Variants in FAM131C observed in about 807,000 individuals in gnomAD.
FAM131C encodes the protein family with sequence similarity 131 member C.
A neutral mutation model predicts 29.8 loss-of-function variants in FAM131C; 14 were observed. That is an observed-to-expected ratio of 0.47 (90% CI 0.31 to 0.73). The LOEUF (loss-of-function observed/expected upper bound fraction) is 0.73, where lower values mean the gene tolerates loss of function less well. Ranked by LOEUF, FAM131C falls within the 30% of genes least tolerant of loss-of-function variation. FAM131C has a pLI of 0.05. For synonymous variants in FAM131C, 86 were observed against 157.8 expected, an observed-to-expected ratio of 0.54 and a Z score of 3.41; for missense variants, 252 against 383.8, an observed-to-expected ratio of 0.66 and a Z score of 2.87.
chr1:16,059,899 C>A lies in FAM131C; in HGVS notation c.421G>T (p.Asp141Tyr). 4 of 1,611,852 alleles carry A rather than the reference C, an allele frequency of 2.5e-6. No individual in the cohort carries two copies. Among genetic ancestry groups the A allele is most frequent in the Non-Finnish European group, 3.4e-6 (4 of 1,179,926 alleles). Residue 141 changes from aspartate (D) to tyrosine (Y), a missense_variant, in exon 5 of 7, where the codon GAT becomes TAT. Around this residue, in one of 6 missense-constraint regions of FAM131C, gnomAD observed 38 missense variants for 32.7 expected, o/e 1.16. Coordinates refer to ENST00000375662, the MANE Select transcript of FAM131C (RefSeq NM_182623.3). The stretch of plus-strand genomic sequence containing the variant: ...GCAAAGCGGGCCTCACGCAGCTCAT[C>A]CGGGAGGCAGCAGTAATGCTCGTCC... ...AEDEHYCCLP[D>Y]ELREARFAAG...
chr1:16,069,371 T>C (rs2023723208), intron 1 of FAM131C, among the ~76,000 whole-genome samples: 1 of 152,196 alleles, frequency 6.6e-6, no homozygotes, highest in Non-Finnish European at 1.5e-5. Flanking sequence ...TGCTCAGGAC[T>C]TGGAAACTAT....
At chr1:16,063,302 TG>T (rs1278767833) in intron 2 of FAM131C, among the ~76,000 whole-genome samples, 1 of 151,884 alleles carries the variant, frequency 6.6e-6, no homozygotes, top group Non-Finnish European at 1.5e-5. Context: ...ACCTTCAGGG[TG>T]GTTGGTCTTC....
chr1:16,059,934 G>A lies in FAM131C; in HGVS notation c.386C>T (p.Ser129Phe). The A allele has an allele frequency of 6.4e-7, 1 of 1,552,208 alleles. No homozygotes were observed. Among genetic ancestry groups the A allele is most frequent in the Non-Finnish European group, 8.7e-7 (1 of 1,149,872 alleles). Residue 129 changes from serine (S) to phenylalanine (F), a missense_variant, in exon 5 of 7, where the codon TCC becomes TTC. Physicochemically the swap from Ser to Phe is radical, Grantham distance 155 (BLOSUM62 -2). Transcript: ENST00000375662. ...GCAGTAATGCTCGTCCTCAGCTGGG[G>A]ACAGCTCCCAGCCTGCCGGCTGGGC... ...WSAQPAGWEL[S>F]PAEDEHYCCL...
Position 16,062,549 on chromosome 1 carries a change from G to T in FAM131C, c.139-15C>A, listed in dbSNP as rs777825579. The T allele has an allele frequency of 2.5e-6, 4 of 1,571,432 alleles. No homozygotes were observed. The highest frequency in any genetic ancestry group is 3.5e-6 in the Non-Finnish European group (4 of 1,158,382). On this transcript the variant is annotated splice_polypyrimidine_tract_variant and intron_variant, in intron 2 of 6. Transcript: ENST00000375662. ...ATCTGTTTGTCCTAAAACAAGAGGA[G>T]AGAGAGGATCAGGCAGGGCCTGGCA... is the stretch of plus-strand genomic sequence containing the variant.
Position 16,073,403 on chromosome 1 carries a change from C to T in FAM131C, c.22+18G>A. 1 of 1,207,490 alleles carries T rather than the reference C, an allele frequency of 8.3e-7. No homozygotes were observed. Among genetic ancestry groups the T allele is most frequent in the Non-Finnish European group, 1.0e-6 (1 of 970,324 alleles). The allele number at this position is 1,207,490 out of a possible 1,614,324, so 74.8% of individuals were successfully genotyped here. On this transcript the variant is annotated intron_variant, in intron 1 of 6. Transcript: ENST00000375662. ...TCCCCGGCACCCGATCCCCCCGCCCCCGGCCGGGCCCCCTCACCTCGCGAC... is the reference window on the plus strand; with the variant it reads ...TCCCCGGCACCCGATCCCCCCGCCCTCGGCCGGGCCCCCTCACCTCGCGAC...
In FAM131C at chr1:16,063,654, A is replaced by G. The variant is rs1299402362; in HGVS notation, c.23-18T>C. The G allele has an allele frequency of 3.2e-6, 5 of 1,555,308 alleles. No individual in the cohort carries two copies. Among genetic ancestry groups the G allele is most frequent in the Non-Finnish European group, 4.4e-6 (5 of 1,135,576 alleles). On this transcript the variant is annotated intron_variant, in intron 1 of 6. Transcript: ENST00000375662. ...GAACAGGTCTGGAAATAAGAGCAAG[A>G]GGAGGAACTCAGCAAAGCCCAGCCC... is the stretch of plus-strand genomic sequence containing the variant.
intron 1 of FAM131C, among the ~76,000 whole-genome samples, chr1:16,065,663 T>C (rs546331005): frequency 4.8e-4 from 73 of 152,308 alleles, no homozygotes; most frequent in African/African-American, 1.7e-3. Flanking sequence ...CCAGCTCTTT[T>C]GTCTGGGATC....
intron 1 of FAM131C, among the ~76,000 whole-genome samples, chr1:16,064,729 C>T (rs747570175): frequency 5.3e-5 from 8 of 152,214 alleles, no homozygotes; most frequent in Non-Finnish European, 8.8e-5. Context: ...TCTCGCTGGA[C>T]GTGCAGAGAG....
chr1:16,070,794 G>A (rs1041689069), intron 1 of FAM131C, among the ~76,000 whole-genome samples: 4 of 152,188 alleles, frequency 2.6e-5, no homozygotes, highest in South Asian at 2.1e-4. Flanking sequence ...TCCCATTTTA[G>A]AGATGGGAAC....
Position 16,062,521 on chromosome 1 carries a change from T to A in FAM131C, c.152A>T (p.Asp51Val). Residue 51 changes from aspartate (D) to valine (V), a missense_variant, in exon 3 of 7, where the codon GAT (aspartate) becomes GTT (valine). Asp to Val is a radical substitution (Grantham distance 152, BLOSUM62 -3). Coordinates refer to ENST00000375662, the MANE Select transcript of FAM131C (RefSeq NM_182623.3). ...DCVIGKDKQM[D>V]FCWDPWQRCF... Reference sequence around the variant, plus strand: ...GACCTGCCAAGGATCCCAACAGAAATCCATCTGTTTGTCCTAAAACAAGAG... The same window carrying A: ...GACCTGCCAAGGATCCCAACAGAAAACCATCTGTTTGTCCTAAAACAAGAG... 1.9e-6 allele frequency: 3 copies of A among 1,580,346 alleles called. No individual in the cohort carries two copies. Among genetic ancestry groups the A allele is most frequent in the Non-Finnish European group, 2.6e-6 (3 of 1,163,434 alleles).
intron 3 of FAM131C, 150 bp from the exon 4 acceptor site, chr1:16,062,342 A>G (rs1389005324): frequency 1.3e-5 from 18 of 1,425,562 alleles, no homozygotes; most frequent in Non-Finnish European, 1.7e-5. Context: ...AGATCCTACT[A>G]ACTCCCACGG....
At chr1:16,068,958 C>G (rs745503696) in intron 1 of FAM131C, among the ~76,000 whole-genome samples, 1 of 152,220 alleles carries the variant, frequency 6.6e-6, no homozygotes, top group Non-Finnish European at 1.5e-5. Flanking sequence ...GTTTACTGAG[C>G]AGGTGTGACA....
intron 1 of FAM131C, among the ~76,000 whole-genome samples, chr1:16,067,634 T>G (rs2023697760): frequency 6.6e-6 from 1 of 152,174 alleles, no homozygotes. Context: ...CAACCAGAGC[T>G]TCTCCTCTGC....
At chr1:16,064,371 C>T (rs143320509) in intron 1 of FAM131C, among the ~76,000 whole-genome samples, 120 of 152,280 alleles carry the variant, frequency 7.9e-4, no homozygotes, top group Middle Eastern at 3.4e-3. Flanking sequence ...CCCACATCAT[C>T]GCCTTTCCCT....
At chr1:16,064,737 G>A (rs1011972796) in intron 1 of FAM131C, among the ~76,000 whole-genome samples, 6 of 152,180 alleles carry the variant, frequency 3.9e-5, no homozygotes, top group African/African-American at 1.2e-4. Flanking sequence ...GACGTGCAGA[G>A]AGCTGTGTCC....
intron 2 of FAM131C, 81 bp downstream of exon 2, chr1:16,063,440 A>T: frequency 9.1e-7 from 1 of 1,102,892 alleles, no homozygotes; most frequent in Non-Finnish European, 1.4e-6. Flanking sequence ...AGGAGACTGG[A>T]ATGGATTCTG....
chr1:16,065,235 C>A (rs570081941), intron 1 of FAM131C, among the ~76,000 whole-genome samples: 35 of 152,270 alleles, frequency 2.3e-4, no homozygotes, highest in African/African-American at 7.9e-4. Flanking sequence ...GCACCAACTA[C>A]AACCCTGGGA....
At chr1:16,073,365 G>C (rs2023778396) in intron 1 of FAM131C, 56 bp downstream of exon 1, 1 of 1,026,462 alleles carries the variant, frequency 9.7e-7, no homozygotes, top group South Asian at 4.9e-5. Context: ...GAGCGGCGAG[G>C]GGACTGCGCG....
Position 16,073,531 on chromosome 1 carries a change from G to C in FAM131C, c.-89C>G. On this transcript the variant is annotated 5_prime_UTR_variant, in exon 1 of 7. Coordinates refer to ENST00000375662, the MANE Select transcript of FAM131C (RefSeq NM_182623.3). ...CCGCGGGCCCGGGGCTGAGCGCTGCGGAGCCAGAGGACGGGCGGGGCGGGG... is the reference window on the plus strand; with the variant it reads ...CCGCGGGCCCGGGGCTGAGCGCTGCCGAGCCAGAGGACGGGCGGGGCGGGG... The C allele has an allele frequency of 2.6e-6, 2 of 765,042 alleles. No individual in the cohort carries two copies. Among genetic ancestry groups the C allele is most frequent in the Non-Finnish European group, 3.4e-6 (2 of 580,500 alleles). 47.4% of individuals were successfully genotyped at this position (765,042 alleles called of 1,614,324 possible).
Sources: allele counts gnomAD v4.1 joint callset (sites outside exome capture counted in the v4.1 genomes callset), GRCh38; gene constraint gnomAD v4.1.1; regional missense constraint gnomAD v4.1.1; transcripts MANE v1.5; gene names NCBI Gene and HGNC (gene_info 2026-07-23, HGNC 2026-07-21).